RRP1B: variants seen among roughly 807,000 people sequenced by gnomAD.
The protein encoded by RRP1B is ribosomal RNA processing protein 1 homolog B.
A neutral mutation model predicts 80.2 loss-of-function variants in RRP1B; 56 were observed. The observed-to-expected ratio is 0.70, with a 90% CI of 0.56 to 0.87. The LOEUF is 0.87. RRP1B is among the 40% of genes least tolerant of loss of function. The pLI is 0.00. For synonymous variants in RRP1B, 351 were observed against 357.6 expected (o/e 0.98, Z 0.21); for missense variants, 807 against 939.8 (o/e 0.86, Z 1.85).
At chr21:43,661,391 G>GTTTTC (rs1395777610) in intron 1 of RRP1B, among the ~76,000 whole-genome samples, 1 of 152,236 alleles carries the variant, frequency 6.6e-6, no homozygotes, top group East Asian at 1.9e-4. Flanking sequence ...ACTGCCACCT[G>GTTTTC]TTTTCTTTTC....
chr21:43,676,644 GT>G, intron 7 of RRP1B, 88 bp from the exon 8 acceptor site: 1 of 1,234,112 alleles, frequency 8.1e-7, no homozygotes, highest in Non-Finnish European at 1.1e-6. Context: ...CCACAGCAAC[GT>G]GTGCAGGGCT....
chr21:43,671,005 G>C (rs1044787909), intron 2 of RRP1B, among the ~76,000 whole-genome samples: 3 of 152,214 alleles, frequency 2.0e-5, no homozygotes, highest in African/African-American at 7.2e-5. Flanking sequence ...ACAACCAACA[G>C]CTTTAGTGGA....
At chr21:43,674,228 C>T (rs967479788) in intron 4 of RRP1B, among the ~76,000 whole-genome samples, 2 of 152,226 alleles carry the variant, frequency 1.3e-5, no homozygotes, top group African/African-American at 4.8e-5. Flanking sequence ...GCGATCTCAG[C>T]TCACTGCGAC....
intron 5 of RRP1B, 105 bp from the exon 6 acceptor site, chr21:43,674,929 A>T (rs1454457720): frequency 1.4e-6 from 2 of 1,440,146 alleles, no homozygotes; most frequent in African/African-American, 2.8e-5. Flanking sequence ...CCTTGCATTG[A>T]TTGTTAGGCT....
At chr21:43,668,893 A>T (rs2082988927) in intron 1 of RRP1B, among the ~76,000 whole-genome samples, 1 of 152,200 alleles carries the variant, frequency 6.6e-6, no homozygotes, top group Admixed American at 6.5e-5. Flanking sequence ...CCAAGACTGT[A>T]CACCTACCTT....
chr21:43,664,926 A>T (rs1287202910), intron 1 of RRP1B, among the ~76,000 whole-genome samples: 1 of 128,282 alleles, frequency 7.8e-6, no homozygotes, highest in Non-Finnish European at 1.6e-5. Context: ...TGATTCAGTT[A>T]CCTCCCACTG....
rs1022341061 is a variant in RRP1B at position 43,693,761 on chromosome 21, A to T, written c.*378A>T. 1.7e-5 allele frequency: 3 copies of T among 179,772 alleles called. No homozygotes were observed. Among genetic ancestry groups the T allele is most frequent in the African/African-American group, 7.1e-5 (3 of 42,182 alleles). 11.1% of individuals were successfully genotyped at this position (179,772 alleles called of 1,614,324 possible). ...GGAACTGCACTTCTGTTGAGCTCTC[A>T]GTTCTGCGGAATTTGGTACTCATTA... On this transcript the variant is annotated 3_prime_UTR_variant, in exon 16 of 16. Coordinates refer to ENST00000340648, the MANE Select transcript of RRP1B (RefSeq NM_015056.3). The surrounding 1 kb of genome is among the most constrained non-coding windows in gnomAD (Gnocchi z 4.1).
At chr21:43,675,278 G>A in intron 6 of RRP1B, 115 bp downstream of exon 6, 2 of 955,922 alleles carry the variant, frequency 2.1e-6, no homozygotes, top group Non-Finnish European at 3.2e-6. Flanking sequence ...GTAGCAGCGT[G>A]AATTGCTTCA....
At chr21:43,689,486 G>A (rs1431395255) in intron 13 of RRP1B, among the ~76,000 whole-genome samples, 1 of 152,154 alleles carries the variant, frequency 6.6e-6, no homozygotes, top group African/African-American at 2.4e-5. Flanking sequence ...TTCTAGCCTC[G>A]AGTCTCTCCT....
chr21:43,673,194 G>A (rs2083006713), intron 3 of RRP1B, among the ~76,000 whole-genome samples: 1 of 152,194 alleles, frequency 6.6e-6, no homozygotes, highest in Non-Finnish European at 1.5e-5. Flanking sequence ...AGTGCAGTAG[G>A]AAGAGTTACT....
chr21:43,676,472 T>C (rs2083023121), intron 7 of RRP1B, 136 bp downstream of exon 7: 4 of 738,696 alleles, frequency 5.4e-6, no homozygotes, highest in Non-Finnish European at 9.1e-6. Flanking sequence ...CAGCCGAAGC[T>C]TTGAGCAGTG....
chr21:43,690,642 A>T (rs886907731), intron 14 of RRP1B, among the ~76,000 whole-genome samples: 5 of 152,052 alleles, frequency 3.3e-5, no homozygotes, highest in Admixed American at 3.3e-4. Flanking sequence ...CAGGAAGGGG[A>T]CTTTGAGGGG....
intron 1 of RRP1B, among the ~76,000 whole-genome samples, chr21:43,667,974 G>A (rs2082984975): frequency 6.6e-6 from 1 of 152,170 alleles, no homozygotes; most frequent in Admixed American, 6.5e-5. Flanking sequence ...TTGGGAGGCC[G>A]AGGCCAGCAG....
chr21:43,675,236 C>T (rs1214470780), intron 6 of RRP1B, 73 bp downstream of exon 6: 1 of 1,488,042 alleles, frequency 6.7e-7, no homozygotes, highest in African/African-American at 1.4e-5. Context: ...CAGTGAAGTG[C>T]TGTGGGGTGG....
At chr21:43,690,519 G>A in intron 14 of RRP1B, 79 bp downstream of exon 14, 1 of 1,510,808 alleles carries the variant, frequency 6.6e-7, no homozygotes, top group South Asian at 1.2e-5. Flanking sequence ...TGCTTCCCAT[G>A]CCGGGCCTGG....
chr21:43,684,739 T>TTTCTTTC (rs1472019333), intron 10 of RRP1B, 89 bp downstream of exon 10: 8 of 1,066,374 alleles, frequency 7.5e-6, no homozygotes, highest in Non-Finnish European at 7.1e-6. Context: ...GCTTATCTTT[T>TTTCTTTC]TTCTTTCTTC....
chr21:43,660,936 C>G (rs1601748641), intron 1 of RRP1B, among the ~76,000 whole-genome samples: 1 of 152,300 alleles, frequency 6.6e-6, no homozygotes, highest in South Asian at 2.1e-4. Context: ...ACAATATGAA[C>G]TACAATGTGT....
At chr21:43,661,628 T>A (rs534588001) in intron 1 of RRP1B, among the ~76,000 whole-genome samples, 1 of 152,348 alleles carries the variant, frequency 6.6e-6, no homozygotes, top group African/African-American at 2.4e-5. Flanking sequence ...TTAACTTCAC[T>A]TGTGTCCCCA....
intron 12 of RRP1B, among the ~76,000 whole-genome samples, chr21:43,687,179 G>A (rs1373467424): frequency 6.6e-6 from 1 of 152,218 alleles, no homozygotes; most frequent in Admixed American, 6.5e-5. Flanking sequence ...AGGGAAGCAG[G>A]AGCTGCAGGG....
Sources: allele counts gnomAD v4.1 joint callset (sites outside exome capture counted in the v4.1 genomes callset), GRCh38; gene constraint gnomAD v4.1.1; non-coding constraint Gnocchi (gnomAD v3.1); transcripts MANE v1.5; gene names NCBI Gene and HGNC (gene_info 2026-07-23, HGNC 2026-07-21).